The following TG variants were observed in gnomAD, a reference collection of about 807,000 sequenced individuals.
TG encodes the protein thyroglobulin.
TG carries 270 observed loss-of-function variants against 324.7 expected under a neutral mutation model. That is an observed-to-expected ratio of 0.83 (90% CI 0.75 to 0.92). The LOEUF is 0.92. TG is among the 40% of genes least tolerant of loss of function. The pLI is 0.00. For synonymous variants in TG, 1,401 were observed against 1,327.0 expected (o/e 1.06, Z -1.21); for missense variants, 3,591 against 3,456.4 (o/e 1.04, Z -0.98).
chr8:132,922,706 G>A (rs970695118), intron 21 of TG, among the ~76,000 whole-genome samples: 6 of 152,212 alleles, frequency 3.9e-5, no homozygotes, highest in Non-Finnish European at 7.3e-5. Context: ...AGCAGATTTG[G>A]TGTCTGATAA....
chr8:133,030,274 G>A (rs1446744322), intron 41 of TG, among the ~76,000 whole-genome samples: 1 of 152,182 alleles, frequency 6.6e-6, no homozygotes, highest in Non-Finnish European at 1.5e-5. Context: ...TTTCCTGAGA[G>A]TGGTTCATTA....
At chr8:133,038,378 G>A in intron 41 of TG, 5 of 662,456 alleles carry the variant, frequency 7.5e-6, no homozygotes, top group South Asian at 1.8e-5. Flanking sequence ...TAGAGAAGAT[G>A]CGAATTTGAG....
At position 132,990,158 on chromosome 8, in the gene TG, T is replaced by TTATATATATATATA. The variant is rs10536232; in HGVS notation, c.6262+6757_6262+6770dup. On this transcript the variant is annotated intron_variant, in intron 35 of 47. Transcript: ENST00000220616. ...AACCAGTTAAAGCTGAGCTATACAA[T>TTATATATATATATA]TATATATATATATATATATATATAA... is the stretch of plus-strand genomic sequence containing the variant. Among the ~76,000 whole-genome samples, 77 of 141,690 alleles carry TTATATATATATATA rather than the reference T, an allele frequency of 5.4e-4. 1 individual carries two copies. The highest frequency in any genetic ancestry group is 2.0e-3 in the African/African-American group (75 of 38,182). The allele number at this position is 141,690 out of a possible 152,430, so 93.0% of individuals were successfully genotyped here.
At chr8:132,900,186 C>A in intron 14 of TG, 51 bp from the exon 15 acceptor site, 1 of 1,541,068 alleles carries the variant, frequency 6.5e-7, no homozygotes, top group Admixed American at 1.7e-5. Context: ...GCAGGTTGGC[C>A]ACTAGAGCAT....
chr8:132,981,825 C>T (rs557491031), intron 34 of TG, among the ~76,000 whole-genome samples: 24 of 152,242 alleles, frequency 1.6e-4, no homozygotes, highest in Non-Finnish European at 3.1e-4. Flanking sequence ...GCAGGTGCTT[C>T]CAGGCAGATG....
chr8:133,039,606 CT>C (rs1837775645), intron 41 of TG, among the ~76,000 whole-genome samples: 1 of 152,146 alleles, frequency 6.6e-6, no homozygotes, highest in Non-Finnish European at 1.5e-5. Context: ...TAGGATTCTG[CT>C]GATGTGTTTA....
chr8:133,126,071 T>C (rs1203834700), intron 45 of TG, among the ~76,000 whole-genome samples: 2 of 152,228 alleles, frequency 1.3e-5, no homozygotes, highest in Non-Finnish European at 2.9e-5. Context: ...AGAGAACTTG[T>C]GAAAAATGAG....
intron 41 of TG, among the ~76,000 whole-genome samples, chr8:133,054,770 G>T (rs1841051136): frequency 6.6e-6 from 1 of 152,172 alleles, no homozygotes; most frequent in Non-Finnish European, 1.5e-5. Context: ...TGAACAAAAT[G>T]TACAAAAGCG....
At chr8:132,932,787 C>T (rs1359938636) in intron 23 of TG, among the ~76,000 whole-genome samples, 1 of 152,214 alleles carries the variant, frequency 6.6e-6, no homozygotes, top group Non-Finnish European at 1.5e-5. Flanking sequence ...GGATTCTATT[C>T]TATCATTCAA....
At chr8:132,900,672 A>C (rs974222637) in intron 15 of TG, among the ~76,000 whole-genome samples, 15 of 152,198 alleles carry the variant, frequency 9.9e-5, no homozygotes, top group African/African-American at 3.6e-4. Context: ...TCCGCAGTGA[A>C]GCCCAGGTGA....
chr8:133,097,374 T>C (rs746491706), intron 43 of TG, among the ~76,000 whole-genome samples: 3 of 152,214 alleles, frequency 2.0e-5, no homozygotes, highest in Admixed American at 1.3e-4. Context: ...TATTGATTGA[T>C]TGTGGCATTG....
intron 41 of TG, among the ~76,000 whole-genome samples, chr8:133,078,330 C>T (rs1845213556): frequency 6.6e-6 from 1 of 152,154 alleles, no homozygotes; most frequent in Admixed American, 6.5e-5. Context: ...CACGAGCTGC[C>T]TAAGGACAGG....
Position 132,898,790 on chromosome 8 carries a change from T to C in TG, c.3218-8T>C. 6.2e-7 allele frequency: 1 copy of C among 1,613,580 alleles called. No homozygotes were observed. The highest frequency in any genetic ancestry group is 8.5e-7 in the Non-Finnish European group (1 of 1,179,768). On this transcript the variant is annotated splice_polypyrimidine_tract_variant and splice_region_variant and intron_variant, in intron 13 of 47. Transcript: ENST00000220616. Reference sequence around the variant, plus strand: ...CCAGTCCTTTACAAGCACCTCTCTCTCCCACAGGCCCGACAACCTGCGAGA... The same window carrying C: ...CCAGTCCTTTACAAGCACCTCTCTCCCCCACAGGCCCGACAACCTGCGAGA...
At chr8:133,082,269 G>A (rs1311922411) in intron 41 of TG, among the ~76,000 whole-genome samples, 1 of 152,154 alleles carries the variant, frequency 6.6e-6, no homozygotes, top group Non-Finnish European at 1.5e-5. Context: ...AGGCAGGAGT[G>A]TATCTGTTTG....
intron 35 of TG, chr8:132,995,001 T>A: frequency 1.0e-6 from 1 of 972,250 alleles, no homozygotes; most frequent in Non-Finnish European, 1.2e-6. Context: ...ATTCTCAGCA[T>A]TGGCTCAGTT....
intron 35 of TG, among the ~76,000 whole-genome samples, chr8:132,987,076 T>G (rs1419011933): frequency 6.6e-6 from 1 of 151,270 alleles, no homozygotes; most frequent in African/African-American, 2.4e-5. Context: ...AAAAAAAAGA[T>G]GGAGCATGGA....
In TG at chr8:133,014,460, C is replaced by G. The variant is rs62515973; in HGVS notation, c.6562+696C>G. On this transcript the variant is annotated intron_variant, in intron 37 of 47. Transcript: ENST00000220616. ...GGGCATCTGGGGGAATCCCCTCCCC[C>G]ACTAGACATATTTATTGGATGAAAT... Among the ~76,000 whole-genome samples the G allele has an allele frequency of 2.5e-3, 379 of 152,314 alleles. 4 individuals carry two copies. The highest frequency in any genetic ancestry group is 7.4e-3 in the Admixed American group (113 of 15,302).
chr8:133,128,233 G>A (rs575908220), intron 45 of TG, among the ~76,000 whole-genome samples: 2 of 151,992 alleles, frequency 1.3e-5, no homozygotes, highest in South Asian at 4.2e-4. Flanking sequence ...GCAGGCATTC[G>A]GCAACTGTGG....
intron 43 of TG, among the ~76,000 whole-genome samples, chr8:133,097,058 G>T (rs1848530078): frequency 6.6e-6 from 1 of 152,222 alleles, no homozygotes; most frequent in Non-Finnish European, 1.5e-5. Context: ...AAGCCTTGTA[G>T]GTGGTCAAGC....
Sources: allele counts gnomAD v4.1 joint callset (sites outside exome capture counted in the v4.1 genomes callset), GRCh38; gene constraint gnomAD v4.1.1; transcripts MANE v1.5; gene names NCBI Gene and HGNC (gene_info 2026-07-23, HGNC 2026-07-21).